The following ATP2B4 variants were observed in gnomAD, a reference collection of about 807,000 sequenced individuals.
ATP2B4 encodes plasma membrane calcium-transporting ATPase 4.
A neutral mutation model predicts 110.3 loss-of-function variants in ATP2B4; 39 were observed. That is an observed-to-expected ratio of 0.35 (90% CI 0.27 to 0.46). The LOEUF (loss-of-function observed/expected upper bound fraction) is 0.46, where lower values mean the gene tolerates loss of function less well. Among genes scored for constraint, ATP2B4 ranks in the 20% least tolerant of loss-of-function variants. ATP2B4 has a pLI of 1.00. For synonymous variants in ATP2B4, 538 were observed against 571.7 expected, an observed-to-expected ratio of 0.94 and a Z score of 0.84; for missense variants, 1,135 against 1,530.9, an observed-to-expected ratio of 0.74 and a Z score of 4.32.
chr1:203,724,874 T>TTTTTTG (rs1666460236), intron 19 of ATP2B4, among the ~76,000 whole-genome samples: 1 of 141,326 alleles, frequency 7.1e-6, no homozygotes, highest in Non-Finnish European at 1.5e-5. Context: ...TCTGTTTTTT[T>TTTTTTG]TTTTTTTTTT....
chr1:203,665,291 C>T (rs1664469921), intron 1 of ATP2B4, among the ~76,000 whole-genome samples: 1 of 152,230 alleles, frequency 6.6e-6, no homozygotes, highest in South Asian at 2.1e-4. Flanking sequence ...GAAGGTTCCC[C>T]TCTGCTCAGG....
chr1:203,650,703 G>C (rs1430112646), intron 1 of ATP2B4, among the ~76,000 whole-genome samples: 4 of 152,164 alleles, frequency 2.6e-5, no homozygotes, highest in Admixed American at 1.3e-4. Context: ...ACACCCCCGG[G>C]ACTCGCTGGT....
intron 1 of ATP2B4, among the ~76,000 whole-genome samples, chr1:203,664,639 G>T (rs979247506): frequency 1.3e-5 from 2 of 152,112 alleles, no homozygotes. Flanking sequence ...TGAGGGGCAG[G>T]AGCCTGGCCC....
chr1:203,657,031 T>C, intron 1 of ATP2B4: 1 of 771,130 alleles, frequency 1.3e-6, no homozygotes, highest in Middle Eastern at 2.4e-4. Context: ...CTGAGCATAT[T>C]TTCTCCAAAT....
intron 1 of ATP2B4, among the ~76,000 whole-genome samples, chr1:203,664,349 G>A (rs764882821): frequency 2.0e-5 from 3 of 152,194 alleles, no homozygotes; most frequent in Non-Finnish European, 4.4e-5. Flanking sequence ...ATAGGAACAC[G>A]GTGGCCAGAG....
chr1:203,706,700 CT>C (rs1384170848), intron 8 of ATP2B4, among the ~76,000 whole-genome samples: 1 of 152,154 alleles, frequency 6.6e-6, no homozygotes, highest in Non-Finnish European at 1.5e-5. Flanking sequence ...GATCAACCCC[CT>C]GATTTATGAA....
intron 1 of ATP2B4, among the ~76,000 whole-genome samples, chr1:203,635,049 A>G (rs1173820264): frequency 6.6e-6 from 1 of 152,076 alleles, no homozygotes. Context: ...AACTCAGCTC[A>G]CCGCAACCTC....
intron 1 of ATP2B4, among the ~76,000 whole-genome samples, chr1:203,666,924 A>G (rs934551586): frequency 1.3e-5 from 2 of 152,150 alleles, no homozygotes; most frequent in Non-Finnish European, 2.9e-5. Context: ...TGTACTCACA[A>G]TTGTGAGCTC....
intron 1 of ATP2B4, among the ~76,000 whole-genome samples, chr1:203,661,302 G>A (rs1664331615): frequency 1.3e-5 from 2 of 152,268 alleles, no homozygotes; most frequent in East Asian, 1.9e-4. Context: ...TGCCAAAGTC[G>A]GGTTTGGATT....
Position 203,723,922 on chromosome 1 carries a change from A to T in ATP2B4, c.3066A>T (p.Thr1022=). The T allele has an allele frequency of 3.7e-6, 6 of 1,611,600 alleles. No individual in the cohort carries two copies. Among genetic ancestry groups the T allele is most frequent in the Non-Finnish European group, 5.1e-6 (6 of 1,179,034 alleles). Residue 1022 remains threonine (T), a synonymous_variant, in exon 19 of 21, where the codon ACA becomes ACT. Coordinates refer to ENST00000357681, the MANE Select transcript of ATP2B4 (RefSeq NM_001684.5). ...TTGGGGGTAAACCCTTCAGTTGTAC[A>T]AGCCTCAGCCTGTCTCAGTGGCTGT... is the stretch of plus-strand genomic sequence containing the variant. ...VEFGGKPFSC[T]SLSLSQWLWC... is the part of the protein sequence containing the mutation.
chr1:203,700,755 A>G, intron 5 of ATP2B4, 43 bp from the exon 6 acceptor site: 1 of 1,609,734 alleles, frequency 6.2e-7, no homozygotes, highest in South Asian at 1.1e-5. Flanking sequence ...ATGTCTAGGT[A>G]TTAAAAAACC....
intron 1 of ATP2B4, among the ~76,000 whole-genome samples, chr1:203,664,290 T>C (rs1664437283): frequency 1.3e-5 from 2 of 152,128 alleles, no homozygotes; most frequent in African/African-American, 4.8e-5. Flanking sequence ...GGAGTACCAA[T>C]GTCCTCCTGG....
chr1:203,734,153 T>C (rs939937905), intron 20 of ATP2B4, among the ~76,000 whole-genome samples: 3 of 151,618 alleles, frequency 2.0e-5, no homozygotes, highest in African/African-American at 7.3e-5. Flanking sequence ...TACAAAAAAT[T>C]AGCTGGGCGT....
chr1:203,638,429 G>A (rs1320608750), intron 1 of ATP2B4, among the ~76,000 whole-genome samples: 2 of 152,188 alleles, frequency 1.3e-5, no homozygotes, highest in African/African-American at 4.8e-5. Context: ...ACATCTGTTA[G>A]GATGCAAGGA....
intron 2 of ATP2B4, among the ~76,000 whole-genome samples, chr1:203,687,337 A>G (rs1665228003): frequency 6.6e-6 from 1 of 152,214 alleles, no homozygotes; most frequent in South Asian, 2.1e-4. Flanking sequence ...AACAGCTAAG[A>G]CATAGGAGTA....
intron 1 of ATP2B4, among the ~76,000 whole-genome samples, chr1:203,633,979 G>A (rs1240095376): frequency 6.6e-6 from 1 of 152,112 alleles, no homozygotes; most frequent in Non-Finnish European, 1.5e-5. Flanking sequence ...GAACCTGGGA[G>A]GCGGAGGTTG....
chr1:203,650,445 C>T (rs1166394974), intron 1 of ATP2B4, among the ~76,000 whole-genome samples: 1 of 152,218 alleles, frequency 6.6e-6, no homozygotes, highest in African/African-American at 2.4e-5. Flanking sequence ...TCGGCCCCCT[C>T]TGAGCAATCG....
chr1:203,709,296 C>G lies in ATP2B4; in HGVS notation c.1558-5C>G. On this transcript the variant is annotated splice_polypyrimidine_tract_variant and splice_region_variant and intron_variant, in intron 10 of 20. Coordinates refer to ENST00000357681, the MANE Select transcript of ATP2B4 (RefSeq NM_001684.5). Reference sequence around the variant, plus strand: ...CAATAGTGCTGTGTATATTTCTTCTCCCAGCCTCCAGAGAAGGAGGGAGGC... The same window carrying G: ...CAATAGTGCTGTGTATATTTCTTCTGCCAGCCTCCAGAGAAGGAGGGAGGC... The G allele has an allele frequency of 6.2e-7, 1 of 1,614,170 alleles. No individual in the cohort carries two copies. The highest frequency in any genetic ancestry group is 8.5e-7 in the Non-Finnish European group (1 of 1,180,016).
chr1:203,662,531 T>C (rs1221621563), intron 1 of ATP2B4, among the ~76,000 whole-genome samples: 2 of 152,250 alleles, frequency 1.3e-5, no homozygotes, highest in African/African-American at 4.8e-5. Flanking sequence ...TTGCCTATTC[T>C]ACATACTTCA....
Sources: gnomAD v4.1 joint callset for allele counts (sites outside exome capture counted in the v4.1 genomes callset) on GRCh38, gnomAD v4.1.1 for gene constraint, MANE v1.5 for transcripts, NCBI Gene and HGNC (gene_info 2026-07-23, HGNC 2026-07-21) for gene names.